The following SDR9C7 variants were observed in gnomAD, a reference collection of about 807,000 sequenced individuals.
SDR9C7 encodes short chain dehydrogenase/reductase family 9C member 7, also known as short-chain dehydrogenase/reductase family 9C member 7.
A neutral mutation model predicts 23.6 loss-of-function variants in SDR9C7; 11 were observed. The ratio of observed to expected loss-of-function variants is 0.47; its 90% CI spans 0.29 to 0.77. The LOEUF (loss-of-function observed/expected upper bound fraction) is 0.77. Among genes scored for constraint, SDR9C7 ranks in the 30% least tolerant of loss-of-function variants. The pLI is 0.09. For synonymous variants in SDR9C7, 167 were observed against 157.3 expected (o/e 1.06, Z -0.46); for missense variants, 387 against 407.1 (o/e 0.95, Z 0.42).
chr12:56,931,444 G>A, intron 1 of SDR9C7, among the ~76,000 whole-genome samples: 1 of 151,908 alleles, frequency 6.6e-6, no homozygotes, highest in East Asian at 1.9e-4. Context: ...CTATCCTTGA[G>A]ATATTTCAAT....
rs770282961 is a variant in SDR9C7 at position 56,930,220 on chromosome 12, A to G, written c.560+6T>C. On this transcript the variant is annotated splice_donor_region_variant and intron_variant, in intron 2 of 3. Coordinates refer to ENST00000293502, the MANE Select transcript of SDR9C7 (RefSeq NM_148897.3). ...CCAGAATTGTTCAGTACCAGGGCCC[A>G]GTTACCTTATGCTGTCAGAGAAGGC... 20 of 1,613,932 alleles carry G rather than the reference A, an allele frequency of 1.2e-5. 1 individual carries two copies. The South Asian group carries it at 2.1e-4, about 17-fold the overall frequency.
In SDR9C7 at chr12:56,930,287, C is replaced by T. The variant is rs200612676; in HGVS notation, c.499G>A (p.Val167Ile). ...NMSSSGGRVA[V>I]IGGGYCVSKF... ...GAGACGCAGTAGCCACCACCAATGACAGCCACACGACCACCAGAGCTGGAC... is the reference window on the plus strand; with the variant it reads ...GAGACGCAGTAGCCACCACCAATGATAGCCACACGACCACCAGAGCTGGAC... The change falls in exon 2 of 4, where the codon GTC becomes ATC. Residue 167 changes from valine to isoleucine, a missense_variant. Val to Ile is a conservative substitution (Grantham distance 29). Transcript: ENST00000293502. 8.7e-6 allele frequency: 14 copies of T among 1,614,196 alleles called. No homozygotes were observed. Among genetic ancestry groups the T allele is most frequent in the African/African-American group, 4.0e-5 (3 of 75,048 alleles).
chr12:56,930,466 T>C lies in SDR9C7; in HGVS notation c.320A>G (p.Asn107Ser). The C allele has an allele frequency of 1.2e-6, 2 of 1,614,126 alleles. No homozygotes were observed. The highest frequency in any genetic ancestry group is 1.7e-6 in the Non-Finnish European group (2 of 1,179,996). The stretch of plus-strand genomic sequence containing the variant: ...ACTGGGCAGGCCCACACCAGCATTG[T>C]TCACCAGGGCCCAGAGGCCTGGGGG... ...VGEQGLWALVNNAGVGLPSGP... is the reference protein window; with the variant it reads ...VGEQGLWALVSNAGVGLPSGP... Residue 107 changes from asparagine (N) to serine (S), a missense_variant, in exon 2 of 4, where the codon AAC (asparagine) becomes AGC (serine). Transcript: ENST00000293502.
chr12:56,933,935 A>G (rs1442127065), intron 1 of SDR9C7, 26 bp downstream of exon 1: 2 of 1,585,154 alleles, frequency 1.3e-6, no homozygotes, highest in African/African-American at 2.7e-5. Context: ...GAAACCAAGA[A>G]AGCCAAAGAA....
At chr12:56,931,955 C>T (rs367926888) in intron 1 of SDR9C7, among the ~76,000 whole-genome samples, 197 of 152,296 alleles carry the variant, frequency 1.3e-3, no homozygotes, top group African/African-American at 3.8e-3. Context: ...CTGCCTTTCT[C>T]CATTCAGGAG....
intron 3 of SDR9C7, among the ~76,000 whole-genome samples, chr12:56,927,866 GCTTATCT>G (rs1459057067): frequency 2.0e-5 from 3 of 152,210 alleles, no homozygotes; most frequent in African/African-American, 7.2e-5. Flanking sequence ...TGTACCTGAA[GCTTATCT>G]TGCTCAACTT....
At chr12:56,924,199 A>C in intron 3 of SDR9C7, 149 bp from the exon 4 acceptor site, 9 of 596,712 alleles carry the variant, frequency 1.5e-5, no homozygotes, top group Non-Finnish European at 2.4e-5. Context: ...CCCTTATACA[A>C]ACACACATTT....
intron 1 of SDR9C7, 71 bp from the exon 2 acceptor site, chr12:56,930,555 G>A (rs1331986076): frequency 3.2e-6 from 5 of 1,540,926 alleles, no homozygotes; most frequent in African/African-American, 1.4e-5. Flanking sequence ...CTCCCCACCG[G>A]CTCAGTGCCC....
intron 1 of SDR9C7, among the ~76,000 whole-genome samples, chr12:56,931,017 A>G (rs766347744): frequency 3.3e-5 from 5 of 152,134 alleles, no homozygotes; most frequent in Admixed American, 6.5e-5. Flanking sequence ...GGATCACTTG[A>G]GGCCAGGAGT....
Position 56,930,416 on chromosome 12 carries a change from C to T in SDR9C7, c.370G>A (p.Asp124Asn), listed in dbSNP as rs779585292. ...PSGPNEWLTK[D>N]DFVKVINVNL... The stretch of plus-strand genomic sequence containing the variant: ...ACATTAATCACCTTCACAAAGTCAT[C>T]CTTGGTCAGCCATTCGTTGGGACCA... The change falls in exon 2 of 4, where the codon GAT becomes AAT. Residue 124 changes from aspartate to asparagine, a missense_variant. Physicochemically the swap from Asp to Asn is conservative, Grantham distance 23. Coordinates refer to ENST00000293502, the MANE Select transcript of SDR9C7 (RefSeq NM_148897.3). The T allele has an allele frequency of 6.2e-7, 1 of 1,614,204 alleles. No individual in the cohort carries two copies. The highest frequency in any genetic ancestry group is 2.2e-5 in the East Asian group (1 of 44,888).
chr12:56,932,072 C>T (rs1955771664), intron 1 of SDR9C7, among the ~76,000 whole-genome samples: 1 of 152,162 alleles, frequency 6.6e-6, no homozygotes, highest in South Asian at 2.1e-4. Flanking sequence ...AAATAATGGT[C>T]CCCCAAAGAT....
intron 3 of SDR9C7, among the ~76,000 whole-genome samples, chr12:56,926,629 T>G (rs2136367176): frequency 6.6e-6 from 1 of 152,290 alleles, no homozygotes; most frequent in African/African-American, 2.4e-5. Context: ...CTCCTAACAA[T>G]CCATGAGAGA....
intron 2 of SDR9C7, 135 bp downstream of exon 2, chr12:56,930,091 T>G: frequency 9.3e-7 from 1 of 1,078,152 alleles, no homozygotes; most frequent in Non-Finnish European, 1.4e-6. Context: ...GAAAGCACCT[T>G]GAGGTCTAAC....
At chr12:56,928,397 C>A (rs1425920285) in intron 3 of SDR9C7, among the ~76,000 whole-genome samples, 1 of 152,192 alleles carries the variant, frequency 6.6e-6, no homozygotes, top group African/African-American at 2.4e-5. Context: ...TGAATTGGGA[C>A]CGCAACTTCC....
In SDR9C7 at chr12:56,923,742, C is replaced by T; in HGVS notation, c.*91G>A. On this transcript the variant is annotated 3_prime_UTR_variant, in exon 4 of 4. Coordinates refer to ENST00000293502, the MANE Select transcript of SDR9C7 (RefSeq NM_148897.3). ...CCAAGCTTCCTTTGCAGCCAATGCCCCCAGGATAACCGATACCACCTTTTG... is the reference window on the plus strand; with the variant it reads ...CCAAGCTTCCTTTGCAGCCAATGCCTCCAGGATAACCGATACCACCTTTTG... 9.4e-7 allele frequency: 1 copy of T among 1,063,458 alleles called. No individual in the cohort carries two copies. The highest frequency in any genetic ancestry group is 1.4e-6 in the Non-Finnish European group (1 of 733,588). 65.9% of individuals were successfully genotyped at this position (1,063,458 alleles called of 1,614,324 possible).
chr12:56,929,565 G>A lies in SDR9C7; in HGVS notation c.561-12C>T. 1 of 1,592,822 alleles carries A rather than the reference G, an allele frequency of 6.3e-7. No homozygotes were observed. The highest frequency in any genetic ancestry group is 1.3e-5 in the African/African-American group (1 of 74,696). On this transcript the variant is annotated splice_polypyrimidine_tract_variant and intron_variant, in intron 2 of 3. Transcript: ENST00000293502. ...AGTAGAGCTCACGCCTGGGAAAGAA[G>A]AGTTGCAGTCAGTCTGGGCCCCAAG...
chr12:56,925,103 C>T (rs896970742), intron 3 of SDR9C7, among the ~76,000 whole-genome samples: 4 of 151,974 alleles, frequency 2.6e-5, no homozygotes, highest in South Asian at 2.1e-4. Flanking sequence ...AGTAATACTG[C>T]CCCTACCTCA....
chr12:56,929,456 G>C lies in SDR9C7; in HGVS notation c.658C>G (p.Arg220Gly). Residue 220 changes from arginine to glycine, a missense_variant, in exon 3 of 4, where the codon CGA becomes GGA. Coordinates refer to ENST00000293502, the MANE Select transcript of SDR9C7 (RefSeq NM_148897.3). ...LGKENLESRMRKLWERLPQET... is the reference protein window; with the variant it reads ...LGKENLESRMGKLWERLPQET... ...TGAGGCAGCCTCTCCCAAAGCTTTC[G>C]CATGCGTGACTCCAGGTTCTCCTTG... The C allele has an allele frequency of 6.2e-7, 1 of 1,613,756 alleles. No homozygotes were observed. Among genetic ancestry groups the C allele is most frequent in the Non-Finnish European group, 8.5e-7 (1 of 1,179,722 alleles).
In SDR9C7 at chr12:56,930,234, G is replaced by C; in HGVS notation, c.552C>G (p.Asp184Glu). The change falls in exon 2 of 4, where the codon GAC (aspartate) becomes GAG (glutamate). Residue 184 changes from aspartate (D) to glutamate (E), a missense_variant. Physicochemically the swap from Asp to Glu is conservative, Grantham distance 45. Transcript: ENST00000293502. ...VSKFGVEAFS[D>E]SIRRELYYFG... The stretch of plus-strand genomic sequence containing the variant: ...TACCAGGGCCCAGTTACCTTATGCT[G>C]TCAGAGAAGGCCTCAACGCCAAACT... The C allele has an allele frequency of 6.2e-7, 1 of 1,614,094 alleles. No homozygotes were observed. Among genetic ancestry groups the C allele is most frequent in the Non-Finnish European group, 8.5e-7 (1 of 1,180,004 alleles).
Sources: gnomAD v4.1 joint callset for allele counts (sites outside exome capture counted in the v4.1 genomes callset) on GRCh38, gnomAD v4.1.1 for gene constraint, MANE v1.5 for transcripts, NCBI Gene and HGNC (gene_info 2026-07-23, HGNC 2026-07-21) for gene names.